The following ANKRD30A variants were observed in gnomAD, a reference collection of about 807,000 sequenced individuals.
The protein encoded by ANKRD30A is ankyrin repeat domain 30A.
ANKRD30A carries 170 observed loss-of-function variants against 166.3 expected under a neutral mutation model. The observed-to-expected ratio is 1.02, with a 90% CI of 0.90 to 1.16. The LOEUF (loss-of-function observed/expected upper bound fraction) is 1.16, where lower values mean the gene tolerates loss of function less well. Ranked by LOEUF, ANKRD30A falls within the 50% of genes most tolerant of loss-of-function variation. ANKRD30A has a pLI of 0.00. For synonymous variants in ANKRD30A, 564 were observed against 508.9 expected, an observed-to-expected ratio of 1.11 and a Z score of -1.46; for missense variants, 1,630 against 1,518.0, an observed-to-expected ratio of 1.07 and a Z score of -1.23.
chr10:37,183,856 T>TA (rs924418075), intron 24 of ANKRD30A, among the ~76,000 whole-genome samples: 2 of 148,536 alleles, frequency 1.3e-5, no homozygotes, highest in Non-Finnish European at 3.0e-5. Context: ...CTTATTTATT[T>TA]AAAAAATGGT....
intron 12 of ANKRD30A, among the ~76,000 whole-genome samples, chr10:37,153,251 C>T (rs1400392828): frequency 6.6e-6 from 1 of 152,106 alleles, no homozygotes; most frequent in African/African-American, 2.4e-5. Context: ...TTGATGAGGA[C>T]TAGAACATAA....
At chr10:37,221,581 A>G (rs562707213) in intron 34 of ANKRD30A, among the ~76,000 whole-genome samples, 1 of 151,370 alleles carries the variant, frequency 6.6e-6, no homozygotes, top group Non-Finnish European at 1.5e-5. Flanking sequence ...ATATGTCATT[A>G]TAGTTAGTTT....
At chr10:37,229,816 GTA>G (rs1202071467) in intron 34 of ANKRD30A, among the ~76,000 whole-genome samples, 2 of 151,568 alleles carry the variant, frequency 1.3e-5, no homozygotes, top group Non-Finnish European at 1.5e-5. Flanking sequence ...AGTAGGGTGT[GTA>G]TATATATATC....
At chr10:37,250,915 G>A in the ANKRD30A span, among the ~76,000 whole-genome samples, 2 of 152,178 alleles carry the variant, frequency 1.3e-5, no homozygotes, top group African/African-American at 4.8e-5. Context: ...TCCTGCTGGA[G>A]CTACCAATCA....
the ANKRD30A span, chr10:37,240,841 T>C: frequency 6.6e-6 from 1 of 152,154 alleles, no homozygotes; most frequent in African/African-American, 2.4e-5. Flanking sequence ...GAAAATTACC[T>C]GTTTGTTTTT....
intron 34 of ANKRD30A, among the ~76,000 whole-genome samples, chr10:37,228,999 G>A (rs573889523): frequency 6.6e-6 from 1 of 152,036 alleles, no homozygotes; most frequent in South Asian, 2.1e-4. Flanking sequence ...ACTTGCCTGG[G>A]GACAGCTCAA....
intron 15 of ANKRD30A, among the ~76,000 whole-genome samples, chr10:37,161,475 A>G (rs1419635029): frequency 1.3e-5 from 2 of 151,886 alleles, no homozygotes; most frequent in Non-Finnish European, 2.9e-5. Context: ...TTATTTATTT[A>G]TTTTTTTAGT....
In ANKRD30A at chr10:37,125,794, G is replaced by A. The variant is rs548982173; in HGVS notation, c.7G>A (p.Glu3Lys). MEEISAAAVKVVP... is the reference protein window; with the variant it reads MEKISAAAVKVVP... The stretch of plus-strand genomic sequence containing the variant: ...CTAGCAGGTGGCCGCAGCCATGGAG[G>A]AGATCTCTGCCGCCGCTGTCAAGGT... Residue 3 changes from glutamate to lysine, a missense_variant, in exon 1 of 36, where the codon GAG becomes AAG. By Grantham distance (56) the Glu-to-Lys change is moderately conservative. Coordinates refer to ENST00000361713, the MANE Select transcript of ANKRD30A (RefSeq NM_052997.3). 465 of 684,934 alleles carry A rather than the reference G, an allele frequency of 6.8e-4. 7 individuals carry two copies. The East Asian group carries it at 0.013, about 18-fold the overall frequency. 42.4% of individuals were successfully genotyped at this position (684,934 alleles called of 1,614,324 possible).
At chr10:37,259,549 T>C in the ANKRD30A span, among the ~76,000 whole-genome samples, 1 of 152,222 alleles carries the variant, frequency 6.6e-6, no homozygotes, top group Non-Finnish European at 1.5e-5. Context: ...AGAATGTTCA[T>C]AGCAGCATTA....
chr10:37,152,201 T>C, intron 12 of ANKRD30A, 80 bp downstream of exon 12: 2 of 1,196,434 alleles, frequency 1.7e-6, no homozygotes, highest in Middle Eastern at 4.0e-4. Context: ...AGGCTTTATT[T>C]TCTCGCCTCT....
chr10:37,216,434 A>G, intron 32 of ANKRD30A, 40 bp downstream of exon 32: 1 of 1,528,102 alleles, frequency 6.5e-7, no homozygotes, highest in East Asian at 2.3e-5. Flanking sequence ...TCAGCTATTT[A>G]TACTAAAACT....
At chr10:37,160,123 A>G (rs574891966) in intron 15 of ANKRD30A, among the ~76,000 whole-genome samples, 32 of 152,298 alleles carry the variant, frequency 2.1e-4, no homozygotes, top group African/African-American at 7.7e-4. Flanking sequence ...AAGGCCTCAT[A>G]GTTTGCCATG....
chr10:37,207,242 T>A (rs1003459428), intron 31 of ANKRD30A, among the ~76,000 whole-genome samples: 8 of 152,194 alleles, frequency 5.3e-5, no homozygotes, highest in Non-Finnish European at 1.2e-4. Context: ...AAACTCTCAT[T>A]GTAACTGTGT....
chr10:37,192,725 C>T (rs576805594), intron 25 of ANKRD30A, among the ~76,000 whole-genome samples: 24 of 152,142 alleles, frequency 1.6e-4, no homozygotes, highest in African/African-American at 5.8e-4. Context: ...TGTGGCATGA[C>T]TTGGTCATCT....
At chr10:37,144,415 T>G (rs1837361295) in intron 7 of ANKRD30A, among the ~76,000 whole-genome samples, 1 of 152,348 alleles carries the variant, frequency 6.6e-6, no homozygotes, top group South Asian at 2.1e-4. Context: ...TTAAAGCAGT[T>G]TTTAATTTAT....
intron 25 of ANKRD30A, among the ~76,000 whole-genome samples, chr10:37,192,009 A>G (rs900302491): frequency 6.6e-6 from 1 of 151,972 alleles, no homozygotes; most frequent in African/African-American, 2.4e-5. Context: ...CTGGAAGTTT[A>G]CTTCTAGTTT....
In ANKRD30A at chr10:37,217,337, T is replaced by A. The variant is rs191104929; in HGVS notation, c.3084-358T>A. ...AACTTTAATCAGTCACTTTAATCAG[T>A]TAACTCTAAATAATCTGTCCTCATT... On this transcript the variant is annotated intron_variant, in intron 32 of 35. Coordinates refer to ENST00000361713, the MANE Select transcript of ANKRD30A (RefSeq NM_052997.3). Among the ~76,000 whole-genome samples the A allele has an allele frequency of 3.3e-5, 5 of 151,142 alleles. No homozygotes were observed. In the East Asian group the frequency reaches 9.7e-4, roughly 29 times the overall value.
At chr10:37,152,293 T>C (rs1223880298) in intron 12 of ANKRD30A, among the ~76,000 whole-genome samples, 172 bp downstream of exon 12, 2 of 152,086 alleles carry the variant, frequency 1.3e-5, no homozygotes, top group African/African-American at 4.8e-5. Flanking sequence ...GATTACTGCT[T>C]CATAGTGAAA....
intron 3 of ANKRD30A, among the ~76,000 whole-genome samples, chr10:37,132,010 C>A (rs1444928536): frequency 6.6e-6 from 1 of 152,080 alleles, no homozygotes; most frequent in Non-Finnish European, 1.5e-5. Context: ...AAAATCATTA[C>A]AATATAATGA....
Sources: gnomAD v4.1 joint callset for allele counts (sites outside exome capture counted in the v4.1 genomes callset) on GRCh38, gnomAD v4.1.1 for gene constraint, MANE v1.5 for transcripts, NCBI Gene and HGNC (gene_info 2026-07-23, HGNC 2026-07-21) for gene names.